Variants in GALNT14 observed in about 807,000 individuals in gnomAD.
GALNT14 encodes UDP-GalNAc:polypeptide N-acetylgalactosaminyltransferase 14.
In GALNT14, 60 loss-of-function variants were observed where a neutral mutation model predicts 77.5. The ratio of observed to expected loss-of-function variants is 0.77; its 90% CI spans 0.63 to 0.96. The LOEUF (loss-of-function observed/expected upper bound fraction) is 0.96, where lower values mean the gene tolerates loss of function less well. GALNT14 is among the 40% of genes least tolerant of loss of function. The pLI is 0.00. For missense variants in GALNT14, 710 were observed against 731.0 expected (o/e 0.97, Z 0.33); for synonymous variants, 280 against 281.7 (o/e 0.99, Z 0.06).
intron 2 of GALNT14, among the ~76,000 whole-genome samples, chr2:30,979,999 T>C (rs1668885879): frequency 6.6e-6 from 1 of 152,230 alleles, no homozygotes; most frequent in African/African-American, 2.4e-5. Flanking sequence ...GGCACTGCAG[T>C]CGCCTCCTCG....
chr2:31,092,594 C>G (rs12712310), intron 1 of GALNT14, among the ~76,000 whole-genome samples: 91,088 of 152,020 alleles, frequency 0.6, 28,440 homozygotes, highest in African/African-American at 0.77. Context: ...TATCCAAACA[C>G]CTGTCATGAA....
At chr2:30,975,854 T>C (rs1307056322) in intron 2 of GALNT14, among the ~76,000 whole-genome samples, 6 of 152,190 alleles carry the variant, frequency 3.9e-5, no homozygotes, top group Non-Finnish European at 8.8e-5. Flanking sequence ...AATCCCATCA[T>C]TTACCATCAT....
intron 1 of GALNT14, among the ~76,000 whole-genome samples, chr2:31,024,603 T>C (rs1419736142): frequency 6.6e-6 from 1 of 152,108 alleles, no homozygotes; most frequent in Non-Finnish European, 1.5e-5. Context: ...TGGACCACCT[T>C]CCCCTTATTC....
At chr2:30,919,958 C>T (rs967482245) in intron 13 of GALNT14, among the ~76,000 whole-genome samples, 4 of 152,160 alleles carry the variant, frequency 2.6e-5, no homozygotes, top group Non-Finnish European at 4.4e-5. Flanking sequence ...GTACAACCTT[C>T]GTTCATCTTT....
In GALNT14 at chr2:30,912,274, G is replaced by C; in HGVS notation, c.1449C>G (p.Phe483Leu). The C allele has an allele frequency of 6.2e-7, 1 of 1,614,188 alleles. No homozygotes were observed. Among genetic ancestry groups the C allele is most frequent in the Non-Finnish European group, 8.5e-7 (1 of 1,180,032 alleles). ...EELCLSVITL[F>L]PGAPVVLVLC... is the part of the protein sequence containing the mutation. ...GGACAAGAACCACTGGGGCGCCAGG[G>C]AACAAGGTGATGACTGACAGGCACA... Residue 483 changes from phenylalanine to leucine, a missense_variant, in exon 14 of 15, where the codon TTC becomes TTG. By Grantham distance (22) the Phe-to-Leu change is conservative. Coordinates refer to ENST00000349752, the MANE Select transcript of GALNT14 (RefSeq NM_024572.4).
chr2:30,967,747 G>A (rs1049314259), intron 2 of GALNT14, among the ~76,000 whole-genome samples: 5 of 152,118 alleles, frequency 3.3e-5, no homozygotes, highest in African/African-American at 1.2e-4. Context: ...TCTGCCTTCA[G>A]TCTCTGCCCC....
At chr2:31,005,958 G>A (rs1328747987) in intron 1 of GALNT14, among the ~76,000 whole-genome samples, 2 of 152,238 alleles carry the variant, frequency 1.3e-5, no homozygotes, top group Non-Finnish European at 2.9e-5. Context: ...AAGCTGTGCA[G>A]GGTGATTCTG....
chr2:31,092,298 T>C (rs879842298), intron 1 of GALNT14, among the ~76,000 whole-genome samples: 6 of 151,976 alleles, frequency 3.9e-5, no homozygotes, highest in Admixed American at 3.9e-4. Flanking sequence ...CTATTAGTTC[T>C]GTCCCTTTAG....
At chr2:30,933,291 C>T (rs1050645651) in intron 9 of GALNT14, among the ~76,000 whole-genome samples, 4 of 152,148 alleles carry the variant, frequency 2.6e-5, no homozygotes, top group Admixed American at 6.5e-5. Flanking sequence ...GGCAGCTCCT[C>T]ATGTGTAGGT....
intron 1 of GALNT14, among the ~76,000 whole-genome samples, chr2:31,052,730 G>A (rs1439805145): frequency 1.3e-5 from 2 of 152,218 alleles, no homozygotes; most frequent in Non-Finnish European, 2.9e-5. Context: ...CTCTTTGGGA[G>A]CTTCTTTTGC....
At chr2:31,131,772 G>A (rs755168359) in intron 1 of GALNT14, among the ~76,000 whole-genome samples, 2 of 152,162 alleles carry the variant, frequency 1.3e-5, no homozygotes, top group African/African-American at 2.4e-5. Context: ...TTCCGTCCCT[G>A]TTCAGTTTAT....
At chr2:30,983,318 TGTTG>T (rs1669100814) in intron 2 of GALNT14, among the ~76,000 whole-genome samples, 2 of 150,330 alleles carry the variant, frequency 1.3e-5, no homozygotes, top group Admixed American at 1.3e-4. Context: ...CTGTTTTTTT[TGTTG>T]TTGTTGTTGT....
At chr2:30,944,261 C>T (rs1048142204) in intron 8 of GALNT14, among the ~76,000 whole-genome samples, 8 of 152,178 alleles carry the variant, frequency 5.3e-5, no homozygotes, top group Admixed American at 4.6e-4. Flanking sequence ...TCAGTTGGTC[C>T]CCAGGCCCCA....
At chr2:31,070,011 TC>T (rs1339194296) in intron 1 of GALNT14, among the ~76,000 whole-genome samples, 1 of 151,994 alleles carries the variant, frequency 6.6e-6, no homozygotes, top group Non-Finnish European at 1.5e-5. Context: ...AAAGTCACAA[TC>T]CTTCCTGTGT....
At chr2:30,904,967 G>A in the GALNT14 span, among the ~76,000 whole-genome samples, 1 of 151,934 alleles carries the variant, frequency 6.6e-6, no homozygotes, top group African/African-American at 2.4e-5. Context: ...ACCTCACACG[G>A]CAGGGTATTC....
At chr2:31,047,984 G>A (rs72793304) in intron 1 of GALNT14, among the ~76,000 whole-genome samples, 65,754 of 152,142 alleles carry the variant, frequency 0.43, 14,527 homozygotes, top group East Asian at 0.54. Context: ...GCATCGGCTC[G>A]CAGCCAAGCA....
chr2:30,941,218 C>T (rs1172261535), intron 9 of GALNT14, among the ~76,000 whole-genome samples: 2 of 152,312 alleles, frequency 1.3e-5, no homozygotes, highest in South Asian at 4.1e-4. Flanking sequence ...CTTTGGGAGG[C>T]TCCCTTTTAC....
chr2:31,054,798 T>C (rs1041501312), intron 1 of GALNT14, among the ~76,000 whole-genome samples: 1 of 152,230 alleles, frequency 6.6e-6, no homozygotes, highest in Non-Finnish European at 1.5e-5. Flanking sequence ...GTCCCCATGC[T>C]AATCAGAAAC....
In GALNT14 at chr2:30,924,248, G is replaced by C; in HGVS notation, c.1251C>G (p.Ser417=). ...IYPELSIPKE[S]SIQKGNIRQR... is the part of the protein sequence containing the mutation. ...GTCGGATATTGCCCTTCTGGATGGAGGACTCCTTGGGGATGCTGGAGGAGA... is the reference window on the plus strand; with the variant it reads ...GTCGGATATTGCCCTTCTGGATGGACGACTCCTTGGGGATGCTGGAGGAGA... The change falls in exon 13 of 15, where the codon TCC becomes TCG. Residue 417 remains serine (S), a synonymous_variant. Transcript: ENST00000349752. The C allele has an allele frequency of 6.2e-7, 1 of 1,614,206 alleles. No homozygotes were observed. Among genetic ancestry groups the C allele is most frequent in the South Asian group, 1.1e-5 (1 of 91,080 alleles).
Sources: allele counts gnomAD v4.1 joint callset (sites outside exome capture counted in the v4.1 genomes callset), GRCh38; gene constraint gnomAD v4.1.1; transcripts MANE v1.5; gene names NCBI Gene and HGNC (gene_info 2026-07-23, HGNC 2026-07-21).